ALDH3B2: variants seen among roughly 807,000 people sequenced by gnomAD.
ALDH3B2 encodes the protein aldehyde dehydrogenase 3 family member B2.
ALDH3B2 carries 45 observed loss-of-function variants against 36.7 expected under a neutral mutation model. The ratio of observed to expected loss-of-function variants is 1.23; its 90% CI spans 0.97 to 1.57. The LOEUF (loss-of-function observed/expected upper bound fraction) is 1.57, where lower values mean the gene tolerates loss of function less well. Ranked by LOEUF, ALDH3B2 falls within the 40% of genes most tolerant of loss-of-function variation. The probability of loss-of-function intolerance (pLI) is 0.00; values close to 1 mark genes in which losing one functional copy is unlikely to be tolerated. For synonymous variants in ALDH3B2, 217 were observed against 226.5 expected (o/e 0.96, Z 0.38); for missense variants, 464 against 513.3 (o/e 0.90, Z 0.93).
intron 1 of ALDH3B2, among the ~76,000 whole-genome samples, chr11:67,670,395 TCTC>T (rs940788253): frequency 6.6e-5 from 10 of 152,058 alleles, no homozygotes; most frequent in African/African-American, 2.4e-4. Context: ...ACTTGAGTAA[TCTC>T]AGCCCTCAGC....
chr11:67,664,488 T>C (rs1042168459), exon 8 of ALDH3B2: 4 of 1,614,088 alleles, frequency 2.5e-6, no homozygotes, highest in Non-Finnish European at 3.4e-6. Flanking sequence ...ACGTTCACGA[T>C]GGGCAGGATG....
At chr11:67,676,529 A>T (rs985487795), upstream of ALDH3B2, among the ~76,000 whole-genome samples, 1 of 151,864 alleles carries the variant, frequency 6.6e-6, no homozygotes, top group African/African-American at 2.4e-5. Context: ...ACAATCTAAG[A>T]TCACACCTCA....
chr11:67,671,884 G>A (rs1268831181), intron 1 of ALDH3B2, among the ~76,000 whole-genome samples: 7 of 150,140 alleles, frequency 4.7e-5, no homozygotes, highest in Admixed American at 2.0e-4. Context: ...TGCCCACCGA[G>A]ATAGATGCAC....
At chr11:67,679,313 CA>C (rs552302513), upstream of ALDH3B2, among the ~76,000 whole-genome samples, 70 of 151,476 alleles carry the variant, frequency 4.6e-4, no homozygotes, top group Non-Finnish European at 7.7e-4. Flanking sequence ...ACTAAAAATA[CA>C]AAAAAAATTA....
At chr11:67,679,977 A>G (rs747259030) in intron 1 of ALDH3B2, among the ~76,000 whole-genome samples, 5 of 152,144 alleles carry the variant, frequency 3.3e-5, no homozygotes, top group Non-Finnish European at 5.9e-5. Flanking sequence ...TTTTGAGTGC[A>G]GATTGAATCA....
chr11:67,664,634 G>A, intron 7 of ALDH3B2, 72 bp from the exon 8 acceptor site: 3 of 1,573,078 alleles, frequency 1.9e-6, no homozygotes, highest in Non-Finnish European at 2.6e-6. Flanking sequence ...GTAGAGGTGG[G>A]GACAGGGGCA....
chr11:67,669,442 GTGTCTGTGTGTGTATGGA>G (rs201593280), intron 1 of ALDH3B2, among the ~76,000 whole-genome samples: 10,531 of 147,910 alleles, frequency 0.071, 504 homozygotes, highest in Non-Finnish European at 0.091. Flanking sequence ...GTGTCCATGT[GTGTCTGTGTGTGTATGGA>G]TGTCTGTGTG....
exon 10 of ALDH3B2, chr11:67,662,596 G>A (rs1262535383): frequency 3.3e-5 from 5 of 152,840 alleles, no homozygotes; most frequent in East Asian, 3.9e-4. Context: ...GAGGCTCAGA[G>A]AAGTCAAGGG....
chr11:67,665,268 A>AG lies in ALDH3B2; in HGVS notation c.706+16dup, dbSNP rs560770680. ...GGTCTTGGCCCAGGTGGGCTGCGGT[A>AG]GGGCAGCAGGACTCACCGATGTAGC... On this transcript the variant is annotated intron_variant, in intron 7 of 9. Transcript: ENST00000349015. 5.9e-5 allele frequency: 94 copies of AG among 1,583,010 alleles called. No homozygotes were observed. The highest frequency in any genetic ancestry group is 3.4e-4 in the Middle Eastern group (2 of 5,912).
intron 1 of ALDH3B2, among the ~76,000 whole-genome samples, chr11:67,671,553 T>A (rs1462378287): frequency 2.6e-5 from 4 of 150,986 alleles, no homozygotes; most frequent in African/African-American, 9.7e-5. Context: ...CCCCCCTTTT[T>A]TTTTTTTTTT....
chr11:67,666,870 T>C, intron 3 of ALDH3B2, 36 bp downstream of exon 3: 1 of 1,614,104 alleles, frequency 6.2e-7, no homozygotes, highest in Non-Finnish European at 8.5e-7. Flanking sequence ...CCCGGTGCCC[T>C]GCCCTGCCCT....
At chr11:67,673,016 C>A (rs1406138492) in intron 1 of ALDH3B2, among the ~76,000 whole-genome samples, 3 of 148,356 alleles carry the variant, frequency 2.0e-5, no homozygotes, top group Non-Finnish European at 4.5e-5. Flanking sequence ...CTGCAAACTC[C>A]GCCTCCCGGG....
chr11:67,666,274 A>AT lies in ALDH3B2; in HGVS notation c.237+41dup, dbSNP rs562980379. 2.4e-5 allele frequency: 39 copies of AT among 1,612,278 alleles called. No individual in the cohort carries two copies. In the South Asian group the frequency reaches 3.8e-4, roughly 16 times the overall value. On this transcript the variant is annotated intron_variant, in intron 5 of 9. Transcript: ENST00000349015. ...GGCCTCCTCAGCCCACAGGGGTGAT[A>AT]TATGGGGACGTCGGGCACTGCTGGG...
upstream of ALDH3B2, among the ~76,000 whole-genome samples, chr11:67,679,711 G>A (rs980913260): frequency 1.3e-4 from 19 of 149,952 alleles, no homozygotes; most frequent in Non-Finnish European, 2.5e-4. Context: ...AAAAAAAAAA[G>A]TAAGAACCTT....
At chr11:67,663,326 G>T (rs111978289) in exon 10 of ALDH3B2, 2 of 1,614,164 alleles carry the variant, frequency 1.2e-6, no homozygotes, top group African/African-American at 1.3e-5. Context: ...CGGAGGGGGC[G>T]AGCAGGCAGG....
At chr11:67,663,228 C>T (rs1160109990) in exon 10 of ALDH3B2, 8 of 1,609,074 alleles carry the variant, frequency 5.0e-6, no homozygotes, top group Non-Finnish European at 6.8e-6. Flanking sequence ...CAGGAGGGTG[C>T]AGCTCTGGGA....
At chr11:67,665,057 A>T (rs886258771) in intron 7 of ALDH3B2, among the ~76,000 whole-genome samples, 3 of 152,164 alleles carry the variant, frequency 2.0e-5, no homozygotes, top group African/African-American at 7.2e-5. Context: ...GGAGCCCTGG[A>T]ATCTGAGCTC....
At chr11:67,666,635 G>C in exon 4 of ALDH3B2, 1 of 1,614,128 alleles carries the variant, frequency 6.2e-7, no homozygotes, top group Non-Finnish European at 8.5e-7. Flanking sequence ...TCCAGGGTGC[G>C]ATGATGAGGA....
At chr11:67,670,647 G>C (rs1301804508) in intron 1 of ALDH3B2, among the ~76,000 whole-genome samples, 2 of 152,194 alleles carry the variant, frequency 1.3e-5, no homozygotes, top group Non-Finnish European at 2.9e-5. Flanking sequence ...ATGACAAGAT[G>C]AGGAGAGCAG....
Sources: gnomAD v4.1 joint callset for allele counts (sites outside exome capture counted in the v4.1 genomes callset) on GRCh38, gnomAD v4.1.1 for gene constraint, MANE v1.5 for transcripts, NCBI Gene and HGNC (gene_info 2026-07-23, HGNC 2026-07-21) for gene names.